SBNO1: variants seen among roughly 807,000 people sequenced by gnomAD.
SBNO1 encodes the protein protein strawberry notch homolog 1.
A neutral mutation model predicts 173.6 loss-of-function variants in SBNO1; 23 were observed. The observed-to-expected ratio is 0.13, with a 90% CI of 0.10 to 0.19. SBNO1 has a LOEUF of 0.19. Ranked by LOEUF, SBNO1 falls within the 10% of genes least tolerant of loss-of-function variation. SBNO1 has a pLI of 1.00. For synonymous variants in SBNO1, 632 were observed against 571.5 expected (o/e 1.11, Z -1.51); for missense variants, 1,238 against 1,671.2 (o/e 0.74, Z 4.52).
At chr12:123,302,174 C>A (rs937500681) in intron 30 of SBNO1, among the ~76,000 whole-genome samples, 1 of 151,588 alleles carries the variant, frequency 6.6e-6, no homozygotes, top group Non-Finnish European at 1.5e-5. Context: ...CTTAGATTAT[C>A]CACCTGCCTT....
chr12:123,336,262 T>C, intron 6 of SBNO1, 133 bp downstream of exon 6: 1 of 634,138 alleles, frequency 1.6e-6, no homozygotes, highest in Non-Finnish European at 2.7e-6. Context: ...TCCAAGCTTC[T>C]TTAGTTTTGG....
chr12:123,321,164 C>T (rs1280000235), intron 17 of SBNO1, among the ~76,000 whole-genome samples: 1 of 152,118 alleles, frequency 6.6e-6, no homozygotes, highest in Non-Finnish European at 1.5e-5. Flanking sequence ...ATCTCGAACT[C>T]CCAGCCTCAG....
chr12:123,330,623 GA>G, intron 8 of SBNO1, 114 bp from the exon 9 acceptor site: 1 of 551,192 alleles, frequency 1.8e-6, no homozygotes, highest in East Asian at 3.2e-5. Context: ...AAAAGAAAAA[GA>G]AAATACACTT....
chr12:123,331,431 T>A (rs1375081122), intron 7 of SBNO1, 56 bp from the exon 8 acceptor site: 3 of 1,536,728 alleles, frequency 2.0e-6, no homozygotes, highest in African/African-American at 1.4e-5. Context: ...TGGTGATCAA[T>A]CTTTCATACA....
At chr12:123,311,179 A>T in intron 24 of SBNO1, 50 bp from the exon 25 acceptor site, 1 of 1,329,008 alleles carries the variant, frequency 7.5e-7, no homozygotes, top group Non-Finnish European at 1.1e-6. Context: ...GGATGTCTAC[A>T]ATGTACCACT....
intron 23 of SBNO1, among the ~76,000 whole-genome samples, chr12:123,314,229 C>T (rs553029621): frequency 6.6e-6 from 1 of 151,688 alleles, no homozygotes; most frequent in Non-Finnish European, 1.5e-5. Flanking sequence ...TGTAATGGCA[C>T]GATCTCTACT....
At position 123,341,040 on chromosome 12, in the gene SBNO1, CCTT is replaced by C. The variant is rs775555346; in HGVS notation, c.596_598del (p.Glu199del). Reference sequence around the variant, plus strand: ...CATGTCGTTTATCCACATTCTAGCTCCTTCTTTATTAGAAGACTCTTTCTTTAC... The same window carrying C: ...CATGTCGTTTATCCACATTCTAGCTCCTTTATTAGAAGACTCTTTCTTTAC... On this transcript the variant is annotated inframe_deletion, in exon 5 of 32. Coordinates refer to ENST00000602398, the MANE Select transcript of SBNO1 (RefSeq NM_001167856.3). The C allele has an allele frequency of 2.5e-6, 4 of 1,604,846 alleles. No individual in the cohort carries two copies. The highest frequency in any genetic ancestry group is 2.6e-6 in the Non-Finnish European group (3 of 1,176,020).
In SBNO1 at chr12:123,362,435, CAAAAAAAAAAAAAAAAA is replaced by C. The variant is rs56019572; in HGVS notation, c.-1+2249_-1+2265del. 3.0e-4 allele frequency among the ~76,000 whole-genome samples: 15 copies of C among 49,740 alleles called. No individual in the cohort carries two copies. The East Asian group carries it at 3.6e-3, about 12-fold the overall frequency. 32.6% of individuals were successfully genotyped at this position (49,740 alleles called of 152,430 possible). ...TGGGCCACTGAGCGAGACTCCGTCT[CAAAAAAAAAAAAAAAAA>C]AAAAAAAAAAAAAAAAGGATTCTGA... On this transcript the variant is annotated intron_variant, in intron 1 of 31. Transcript: ENST00000602398.
At chr12:123,322,423 T>C (rs374631627) in intron 16 of SBNO1, among the ~76,000 whole-genome samples, 3 of 152,240 alleles carry the variant, frequency 2.0e-5, no homozygotes, top group African/African-American at 7.2e-5. Flanking sequence ...GCCTCCCTTA[T>C]AGCTGGGATT....
intron 1 of SBNO1, chr12:123,364,117 G>A (rs1566061778): frequency 3.0e-6 from 3 of 985,460 alleles, no homozygotes; most frequent in Admixed American, 6.2e-5. Flanking sequence ...AGGCGTGAAG[G>A]GAGCCTGCAC....
At chr12:123,329,178 C>T (rs1019986355) in intron 9 of SBNO1, among the ~76,000 whole-genome samples, 8 of 151,920 alleles carry the variant, frequency 5.3e-5, no homozygotes, top group African/African-American at 1.9e-4. Context: ...TCAGGAGTTC[C>T]AAGACCAGCC....
intron 31 of SBNO1, among the ~76,000 whole-genome samples, chr12:123,296,286 GAGGAAT>G (rs930806083): frequency 4.2e-5 from 6 of 141,888 alleles, no homozygotes; most frequent in African/African-American, 1.6e-4. Flanking sequence ...TATCTTGTTG[GAGGAAT>G]AGGAAGTCAA....
chr12:123,320,796 A>C lies in SBNO1; in HGVS notation c.2394T>G (p.Asp798Glu), dbSNP rs745710148. The change falls in exon 18 of 32, where the codon GAT becomes GAG. Residue 798 changes from aspartate to glutamate, a missense_variant. By Grantham distance (45) the Asp-to-Glu change is conservative. Coordinates refer to ENST00000602398, the MANE Select transcript of SBNO1 (RefSeq NM_001167856.3). ...ATGCTAATAAGGCACTTTGAATAGA[A>C]TCTGGATCTATACTTTTCTTCTTTT... ...EKKKKKSIDP[D>E]SIQSALLASG... 1 of 1,604,054 alleles carries C rather than the reference A, an allele frequency of 6.2e-7. No individual in the cohort carries two copies. The highest frequency in any genetic ancestry group is 8.5e-7 in the Non-Finnish European group (1 of 1,175,238).
intron 23 of SBNO1, among the ~76,000 whole-genome samples, chr12:123,314,230 G>A (rs562470203): frequency 2.6e-5 from 4 of 151,792 alleles, no homozygotes; most frequent in South Asian, 2.1e-4. Flanking sequence ...GTAATGGCAC[G>A]ATCTCTACTC....
intron 6 of SBNO1, 67 bp downstream of exon 6, chr12:123,336,328 A>T: frequency 9.5e-7 from 1 of 1,050,736 alleles, no homozygotes; most frequent in Non-Finnish European, 1.4e-6. Context: ...AAAAAACAAA[A>T]CAAAAAGAAC....
rs2048552879 is a variant in SBNO1, at chr12:123,294,272, TC to T, written c.*1635del. 6.6e-6 allele frequency: 1 copy of T among 152,230 alleles called. No individual in the cohort carries two copies. The highest frequency in any genetic ancestry group is 1.5e-5 in the Non-Finnish European group (1 of 68,042). 9.4% of individuals were successfully genotyped at this position (152,230 alleles called of 1,614,324 possible). On this transcript the variant is annotated 3_prime_UTR_variant, in exon 32 of 32. Coordinates refer to ENST00000602398, the MANE Select transcript of SBNO1 (RefSeq NM_001167856.3). ...ACAAGAGGATGAACGCCCTAAGCTT[TC>T]AGCCAGGTTTGTCAGTTTTAACACA...
chr12:123,310,528 G>A lies in SBNO1; in HGVS notation c.3295+527C>T, dbSNP rs897099919. Among the ~76,000 whole-genome samples the A allele has an allele frequency of 1.0e-4, 14 of 135,284 alleles. 1 individual carries two copies. Among genetic ancestry groups the A allele is most frequent in the Admixed American group, 8.2e-4 (11 of 13,458 alleles). 88.8% of individuals were successfully genotyped at this position (135,284 alleles called of 152,430 possible). The stretch of plus-strand genomic sequence containing the variant: ...ATTACAGGCGTGAGCCACCGCGCCC[G>A]ACCAATTTTTTTTTATTTTTTTAGA... On this transcript the variant is annotated intron_variant, in intron 25 of 31. Coordinates refer to ENST00000602398, the MANE Select transcript of SBNO1 (RefSeq NM_001167856.3).
intron 2 of SBNO1, 147 bp from the exon 3 acceptor site, chr12:123,348,280 T>C: frequency 2.0e-6 from 1 of 504,042 alleles, no homozygotes; most frequent in Non-Finnish European, 3.7e-6. Flanking sequence ...TGTAATAATC[T>C]TTGCAAGCAC....
At chr12:123,314,787 G>C (rs1445667650) in intron 23 of SBNO1, among the ~76,000 whole-genome samples, 1 of 152,148 alleles carries the variant, frequency 6.6e-6, no homozygotes, top group Non-Finnish European at 1.5e-5. Flanking sequence ...TGTAGAGATG[G>C]GATTTCACTA....
Sources: gnomAD v4.1 joint callset for allele counts (sites outside exome capture counted in the v4.1 genomes callset) on GRCh38, gnomAD v4.1.1 for gene constraint, MANE v1.5 for transcripts, NCBI Gene and HGNC (gene_info 2026-07-23, HGNC 2026-07-21) for gene names.